Variants in DGKB observed in about 807,000 individuals in gnomAD.
DGKB encodes the protein 90 kDa diacylglycerol kinase.
DGKB carries 67 observed loss-of-function variants against 114.3 expected under a neutral mutation model. The ratio of observed to expected loss-of-function variants is 0.59; its 90% CI spans 0.48 to 0.72. The LOEUF (loss-of-function observed/expected upper bound fraction) is 0.72, where lower values mean the gene tolerates loss of function less well. Among genes scored for constraint, DGKB ranks in the 30% least tolerant of loss-of-function variants. DGKB has a pLI of 0.00. For missense variants in DGKB, 907 were observed against 975.2 expected, an observed-to-expected ratio of 0.93 and a Z score of 0.93; for synonymous variants, 398 against 323.1, an observed-to-expected ratio of 1.23 and a Z score of -2.49.
intron 23 of DGKB, among the ~76,000 whole-genome samples, chr7:14,242,866 GTTTTT>G (rs10656701): frequency 6.8e-6 from 1 of 146,146 alleles, no homozygotes; most frequent in African/African-American, 2.5e-5. Context: ...TATGAAGGCT[GTTTTT>G]TTTTTTTTTA....
intron 2 of DGKB, among the ~76,000 whole-genome samples, chr7:14,811,627 C>T (rs1031804360): frequency 3.9e-5 from 6 of 152,100 alleles, no homozygotes; most frequent in African/African-American, 1.4e-4. Flanking sequence ...ATATCAACTT[C>T]AGGTGAAGGT....
intron 1 of DGKB, among the ~76,000 whole-genome samples, chr7:14,931,670 G>C (rs1430396397): frequency 6.6e-6 from 1 of 152,104 alleles, no homozygotes; most frequent in Non-Finnish European, 1.5e-5. Context: ...TTATGACCTA[G>C]TCCCAACATG....
intron 21 of DGKB, among the ~76,000 whole-genome samples, chr7:14,452,929 C>T (rs565193054): frequency 2.6e-5 from 4 of 152,100 alleles, no homozygotes; most frequent in African/African-American, 9.6e-5. Context: ...ATCACATGCC[C>T]TATATTAAGT....
At chr7:14,574,766 G>A (rs1423672632) in intron 19 of DGKB, among the ~76,000 whole-genome samples, 1 of 152,120 alleles carries the variant, frequency 6.6e-6, no homozygotes, top group Non-Finnish European at 1.5e-5. Flanking sequence ...AGTCAGAAAC[G>A]TGGATGACAT....
At chr7:14,948,468 A>G (rs764384948) in intron 1 of DGKB, among the ~76,000 whole-genome samples, 5 of 151,846 alleles carry the variant, frequency 3.3e-5, no homozygotes, top group African/African-American at 4.8e-5. Context: ...GATACAAGGC[A>G]AGAAAAATAT....
intron 3 of DGKB, 103 bp downstream of exon 3, chr7:14,757,552 A>G: frequency 1.5e-6 from 1 of 649,692 alleles, no homozygotes; most frequent in Non-Finnish European, 2.7e-6. Context: ...GTGTACATAT[A>G]CATACACACA....
intron 23 of DGKB, among the ~76,000 whole-genome samples, chr7:14,273,712 T>C (rs1310995019): frequency 1.3e-5 from 2 of 152,226 alleles, no homozygotes; most frequent in African/African-American, 2.4e-5. Flanking sequence ...TAAGCTCATT[T>C]TTCTTTTGAA....
chr7:14,716,343 TAA>T (rs1828184453), intron 6 of DGKB, among the ~76,000 whole-genome samples: 1 of 152,208 alleles, frequency 6.6e-6, no homozygotes, highest in Non-Finnish European at 1.5e-5. Flanking sequence ...TGATGTGTGA[TAA>T]AGTTTGAGAA....
chr7:14,329,236 G>A (rs1400770271), intron 23 of DGKB, among the ~76,000 whole-genome samples: 1 of 151,858 alleles, frequency 6.6e-6, no homozygotes, highest in Non-Finnish European at 1.5e-5. Flanking sequence ...TTCCTTTGCA[G>A]TTCACTGGAC....
intron 23 of DGKB, among the ~76,000 whole-genome samples, chr7:14,193,427 C>A (rs1336912052): frequency 6.6e-6 from 1 of 151,926 alleles, no homozygotes; most frequent in African/African-American, 2.4e-5. Flanking sequence ...GACAAAGATG[C>A]CAAAAACACA....
At chr7:14,913,881 T>C (rs571604591) in intron 1 of DGKB, among the ~76,000 whole-genome samples, 3 of 151,904 alleles carry the variant, frequency 2.0e-5, no homozygotes, top group Non-Finnish European at 4.4e-5. Flanking sequence ...GTTCACAGAG[T>C]AAACTACTAC....
At chr7:14,267,079 A>G (rs185852081) in intron 23 of DGKB, among the ~76,000 whole-genome samples, 133 of 152,314 alleles carry the variant, frequency 8.7e-4, no homozygotes, top group African/African-American at 3.1e-3. Flanking sequence ...TGTGTATTCT[A>G]TGGTGTGACA....
rs200400449 is a variant in DGKB at position 14,460,439 on chromosome 7, AC to A, written c.1835+17721del. 2.0e-3 allele frequency among the ~76,000 whole-genome samples: 309 copies of A among 151,912 alleles called. 2 individuals are homozygous for A. Among genetic ancestry groups the A allele is most frequent in the African/African-American group, 7.1e-3 (293 of 41,482 alleles). ...CAAATGGAAAGCAAAGAAAAAAAAAACCAGGGATTGCAATCCTAGTCTCTGA... is the reference window on the plus strand; with the variant it reads ...CAAATGGAAAGCAAAGAAAAAAAAAACAGGGATTGCAATCCTAGTCTCTGA... On this transcript the variant is annotated intron_variant, in intron 21 of 25. Coordinates refer to ENST00000402815, the MANE Select transcript of DGKB (RefSeq NM_001350709.2).
chr7:14,206,288 A>G (rs1470562222), intron 23 of DGKB, among the ~76,000 whole-genome samples: 2 of 151,968 alleles, frequency 1.3e-5, no homozygotes, highest in Non-Finnish European at 2.9e-5. Context: ...AAATTAACCA[A>G]CCTTAAGGGA....
At chr7:14,282,218 A>C (rs1196536808) in intron 23 of DGKB, among the ~76,000 whole-genome samples, 7 of 124,414 alleles carry the variant, frequency 5.6e-5, no homozygotes, top group African/African-American at 1.5e-4. Context: ...CTACCATCAG[A>C]GAATACTACA....
chr7:14,304,409 T>C (rs1307325450), intron 23 of DGKB, among the ~76,000 whole-genome samples: 2 of 152,138 alleles, frequency 1.3e-5, no homozygotes, highest in Admixed American at 6.6e-5. Context: ...CCAGATTTTC[T>C]TGTCATAATA....
In DGKB at chr7:14,708,173, AACAG is replaced by A. The variant is rs1189281621; in HGVS notation, c.467-6447_467-6444del. ...ATCACAAGCATTCTTATACACCAAC[AACAG>A]ACAGAGAGCCAAATCATGAGTGAAC... is the stretch of plus-strand genomic sequence containing the variant. On this transcript the variant is annotated intron_variant, in intron 6 of 25. Transcript: ENST00000402815. Among the ~76,000 whole-genome samples, 2 of 69,240 alleles carry A rather than the reference AACAG, an allele frequency of 2.9e-5. 1 individual carries two copies. Among genetic ancestry groups the A allele is most frequent in the East Asian group, 2.3e-3 (2 of 888 alleles). 45.4% of individuals were successfully genotyped at this position (69,240 alleles called of 152,430 possible). A position where few individuals can be genotyped will look rare whatever the true frequency, so the allele number is the denominator to read the frequency against.
intron 21 of DGKB, among the ~76,000 whole-genome samples, chr7:14,365,144 T>C (rs1434275533): frequency 6.6e-6 from 1 of 151,920 alleles, no homozygotes; most frequent in Admixed American, 6.6e-5. Context: ...CCACAGTGGT[T>C]TGTCCTTATA....
chr7:14,918,432 T>A (rs1021336368), intron 1 of DGKB, among the ~76,000 whole-genome samples: 1 of 152,134 alleles, frequency 6.6e-6, no homozygotes, highest in Non-Finnish European at 1.5e-5. Context: ...AGGTAATACA[T>A]AAAATTAAAT....
Sources: allele counts gnomAD v4.1 joint callset (sites outside exome capture counted in the v4.1 genomes callset), GRCh38; gene constraint gnomAD v4.1.1; transcripts MANE v1.5; gene names NCBI Gene and HGNC (gene_info 2026-07-23, HGNC 2026-07-21).